Variants in JPH2 observed in about 807,000 individuals in gnomAD.
JPH2 encodes junctophilin-2.
JPH2 carries 38 observed loss-of-function variants against 55.9 expected under a neutral mutation model. The ratio of observed to expected loss-of-function variants is 0.68; its 90% confidence interval spans 0.52 to 0.89. The LOEUF is 0.89. Among genes scored for constraint, JPH2 ranks in the 40% least tolerant of loss-of-function variants. The pLI is 0.00. For synonymous variants in JPH2, 480 were observed against 472.4 expected (o/e 1.02, Z -0.21); for missense variants, 964 against 1,037.6 (o/e 0.93, Z 0.97).
At chr20:44,118,071 G>A (rs2072207040) in intron 3 of JPH2, among the ~76,000 whole-genome samples, 1 of 152,130 alleles carries the variant, frequency 6.6e-6, no homozygotes, top group African/African-American at 2.4e-5. Context: ...TTGTTTTTGT[G>A]ACTCTCTGCT....
intron 1 of JPH2, among the ~76,000 whole-genome samples, chr20:44,180,345 T>A (rs1468148611): frequency 2.0e-5 from 3 of 152,098 alleles, no homozygotes; most frequent in Non-Finnish European, 4.4e-5. Flanking sequence ...ATTTTATTTT[T>A]TTTTGACACA....
At chr20:44,147,933 C>T (rs550851165) in intron 2 of JPH2, among the ~76,000 whole-genome samples, 40 of 152,068 alleles carry the variant, frequency 2.6e-4, no homozygotes, top group Non-Finnish European at 4.7e-4. Context: ...GAGGCCGAGG[C>T]GGGTGGATCA....
chr20:44,166,632 A>G (rs1295041237), intron 1 of JPH2, among the ~76,000 whole-genome samples: 1 of 152,192 alleles, frequency 6.6e-6, no homozygotes, highest in African/African-American at 2.4e-5. Context: ...AGAGGCACAG[A>G]CACCCAGGGG....
chr20:44,127,436 C>G (rs920449112), intron 2 of JPH2, among the ~76,000 whole-genome samples: 2 of 151,812 alleles, frequency 1.3e-5, no homozygotes, highest in African/African-American at 4.8e-5. Flanking sequence ...ATTGGTAATA[C>G]ACGAGAGTTC....
chr20:44,129,699 T>TA (rs1249624120), intron 2 of JPH2, among the ~76,000 whole-genome samples: 1 of 152,144 alleles, frequency 6.6e-6, no homozygotes, highest in Non-Finnish European at 1.5e-5. Flanking sequence ...TGTTACCTTC[T>TA]ATGGCAAAGA....
chr20:44,159,558 G>A lies in JPH2; in HGVS notation c.1169+60C>T. On this transcript the variant is annotated intron_variant, in intron 2 of 5. Coordinates refer to ENST00000372980, the MANE Select transcript of JPH2 (RefSeq NM_020433.5). The surrounding 1 kb of genome is among the most constrained non-coding windows in gnomAD (Gnocchi z 5.7). The stretch of plus-strand genomic sequence containing the variant: ...GAGACAGGGCCTCCTAGGTTGCCCT[G>A]CCCCAGGACCCCCTTCTCCGAGGGG... The A allele has an allele frequency of 6.5e-7, 1 of 1,527,170 alleles. No individual in the cohort carries two copies. The allele number at this position is 1,527,170 out of a possible 1,614,324, so 94.6% of individuals were successfully genotyped here.
At chr20:44,174,045 G>C (rs1341947341) in intron 1 of JPH2, among the ~76,000 whole-genome samples, 1 of 152,206 alleles carries the variant, frequency 6.6e-6, no homozygotes, top group African/African-American at 2.4e-5. Context: ...TGGGTCATGA[G>C]GCTGAGTAGC....
At chr20:44,122,985 T>C (rs748597114) in intron 2 of JPH2, among the ~76,000 whole-genome samples, 18 of 152,118 alleles carry the variant, frequency 1.2e-4, no homozygotes, top group Admixed American at 9.2e-4. Context: ...GATGCCCACT[T>C]TCTGGTGCCT....
chr20:44,134,874 A>C (rs1189924973), intron 2 of JPH2, among the ~76,000 whole-genome samples: 1 of 25,086 alleles, frequency 4.0e-5, no homozygotes, highest in Non-Finnish European at 6.5e-5. Context: ...AAATATATAT[A>C]TTTATATATA....
chr20:44,131,098 C>T (rs963762563), intron 2 of JPH2, among the ~76,000 whole-genome samples: 4 of 152,298 alleles, frequency 2.6e-5, no homozygotes, highest in African/African-American at 9.6e-5. Flanking sequence ...ATCCCTTCCC[C>T]CTGAGTGTGG....
rs762464432 is a variant in JPH2 at position 44,160,349 on chromosome 20, G to C, written c.438C>G (p.Ser146Arg). Reference sequence around the variant, plus strand: ...CCACCACGGCCATCCCGTAGGGCACGCTCTGGCGTACTCCGTAGCCATGGC... The same window carrying C: ...CCACCACGGCCATCCCGTAGGGCACCCTCTGGCGTACTCCGTAGCCATGGC... The part of the protein sequence containing the change: ...GMRHGYGVRQ[S>R]VPYGMAVVVR... The change falls in exon 2 of 6, where the codon AGC becomes AGG. Residue 146 changes from serine to arginine, a missense_variant. Ser to Arg is a moderately radical substitution (Grantham distance 110). Transcript: ENST00000372980. The surrounding 1 kb of genome is among the most constrained non-coding windows in gnomAD (Gnocchi z 4.9). The C allele has an allele frequency of 6.3e-7, 1 of 1,593,998 alleles. No homozygotes were observed. The highest frequency in any genetic ancestry group is 8.5e-7 in the Non-Finnish European group (1 of 1,171,020).
chr20:44,143,697 T>C (rs2072474604), intron 2 of JPH2, among the ~76,000 whole-genome samples: 1 of 152,214 alleles, frequency 6.6e-6, no homozygotes, highest in African/African-American at 2.4e-5. Flanking sequence ...TGAATCCTTG[T>C]CTCAGGCTCT....
rs1600826771 is a variant in JPH2, at chr20:44,112,372, G to A, written c.*1146C>T. ...CACAAGGGCCCAGAGACCTAGTGTG[G>A]TACAAAACATCTTTAAGTGAGGTAC... On this transcript the variant is annotated 3_prime_UTR_variant, in exon 6 of 6. Transcript: ENST00000372980. 3 of 152,382 alleles carry A rather than the reference G, an allele frequency of 2.0e-5. No individual in the cohort carries two copies. In the South Asian group the frequency reaches 6.2e-4, roughly 32 times the overall value. 9.4% of individuals were successfully genotyped at this position (152,382 alleles called of 1,614,324 possible). A position where few individuals can be genotyped will look rare whatever the true frequency, so the allele number is the denominator to read the frequency against.
At chr20:44,120,200 G>A (rs1319015114) in intron 2 of JPH2, among the ~76,000 whole-genome samples, 1 of 152,020 alleles carries the variant, frequency 6.6e-6, no homozygotes, top group African/African-American at 2.4e-5. Context: ...CAAGTTCATG[G>A]ACCCCTGAAA....
intron 1 of JPH2, among the ~76,000 whole-genome samples, chr20:44,182,177 C>T (rs1314554366): frequency 6.6e-6 from 1 of 152,164 alleles, no homozygotes; most frequent in Non-Finnish European, 1.5e-5. Context: ...CCAGCCGTTC[C>T]TAATCACAGG....
At position 44,114,913 on chromosome 20, in the gene JPH2, G is replaced by A. The variant is rs371934866; in HGVS notation, c.2011-37C>T. 123 of 1,521,714 alleles carry A rather than the reference G, an allele frequency of 8.1e-5. No individual in the cohort carries two copies. In the African/African-American group the frequency reaches 1.3e-3, roughly 16 times the overall value. 94.3% of individuals were successfully genotyped at this position (1,521,714 alleles called of 1,614,324 possible). On this transcript the variant is annotated intron_variant, in intron 4 of 5. Coordinates refer to ENST00000372980, the MANE Select transcript of JPH2 (RefSeq NM_020433.5). Reference sequence around the variant, plus strand: ...GGAGAGAGGCTTCCTGAGTCCCCATGGCCTCGGAGACACCCCCCACCCAGG... The same window carrying A: ...GGAGAGAGGCTTCCTGAGTCCCCATAGCCTCGGAGACACCCCCCACCCAGG...
rs186590676 is a variant in JPH2, at chr20:44,163,792, A to T, written c.380-3385T>A. ...CAACTGATCCTTGGGCTTTACCACC[A>T]TCAATTCCTGTTTATTCTGTTGGAA... On this transcript the variant is annotated intron_variant, in intron 1 of 5. Coordinates refer to ENST00000372980, the MANE Select transcript of JPH2 (RefSeq NM_020433.5). Among the ~76,000 whole-genome samples, 6 of 152,292 alleles carry T rather than the reference A, an allele frequency of 3.9e-5. No homozygotes were observed. In the South Asian group the frequency reaches 6.2e-4, roughly 16 times the overall value.
intron 2 of JPH2, among the ~76,000 whole-genome samples, chr20:44,142,399 T>A (rs751454627): frequency 6.6e-6 from 1 of 152,076 alleles, no homozygotes; most frequent in Admixed American, 6.5e-5. Flanking sequence ...CTCCCCACGC[T>A]CTCTCCGGCC....
intron 1 of JPH2, among the ~76,000 whole-genome samples, chr20:44,173,140 C>T (rs867606941): frequency 2.6e-4 from 39 of 152,268 alleles, no homozygotes; most frequent in African/African-American, 9.1e-4. Context: ...AACTAACCCC[C>T]TCTTTACTCA....
Sources: gnomAD v4.1 joint callset for allele counts (sites outside exome capture counted in the v4.1 genomes callset) on GRCh38, gnomAD v4.1.1 for gene constraint, Gnocchi (gnomAD v3.1) non-coding constraint, MANE v1.5 for transcripts, NCBI Gene and HGNC (gene_info 2026-07-23, HGNC 2026-07-21) for gene names.